RNF141: variants seen among roughly 807,000 people sequenced by gnomAD.
RNF141 encodes the protein ring finger protein 141.
A neutral mutation model predicts 27.4 loss-of-function variants in RNF141; 18 were observed. The ratio of observed to expected loss-of-function variants is 0.66; its 90% confidence interval spans 0.45 to 0.97. The LOEUF (loss-of-function observed/expected upper bound fraction) is 0.97. Among genes scored for constraint, RNF141 ranks in the 50% least tolerant of loss-of-function variants. The pLI is 0.00. For missense variants in RNF141, 230 were observed against 279.4 expected, an observed-to-expected ratio of 0.82 and a Z score of 1.26; for synonymous variants, 97 against 96.6, an observed-to-expected ratio of 1.00 and a Z score of -0.02.
At chr11:10,517,039 A>G (rs963033687) in intron 5 of RNF141, 2 of 152,244 alleles carry the variant, frequency 1.3e-5, no homozygotes, top group Non-Finnish European at 2.9e-5. Flanking sequence ...TATAATCTAT[A>G]ATAAAGAGAA....
chr11:10,533,504 G>C (rs930473570), intron 2 of RNF141, among the ~76,000 whole-genome samples: 2 of 151,562 alleles, frequency 1.3e-5, no homozygotes, highest in Non-Finnish European at 2.9e-5. Context: ...TACTACATAT[G>C]TATTCCTCTA....
At chr11:10,539,573 C>CTT (rs35522358) in intron 1 of RNF141, among the ~76,000 whole-genome samples, 1 of 143,896 alleles carries the variant, frequency 6.9e-6, no homozygotes. Context: ...CAGATATCAA[C>CTT]TTTTTTTTTT....
chr11:10,529,837 C>T (rs752213427), intron 3 of RNF141, among the ~76,000 whole-genome samples: 4 of 152,084 alleles, frequency 2.6e-5, no homozygotes, highest in Non-Finnish European at 5.9e-5. Flanking sequence ...TCTGAATAAA[C>T]TGGAAGCAAA....
At chr11:10,530,390 G>GATT (rs1849974769) in intron 3 of RNF141, among the ~76,000 whole-genome samples, 1 of 152,074 alleles carries the variant, frequency 6.6e-6, no homozygotes, top group African/African-American at 2.4e-5. Flanking sequence ...AGAGATAGAA[G>GATT]ATTAGTATGA....
chr11:10,536,849 G>C (rs534875050), intron 1 of RNF141, among the ~76,000 whole-genome samples: 2 of 152,170 alleles, frequency 1.3e-5, no homozygotes, highest in African/African-American at 2.4e-5. Flanking sequence ...GCTAGAAGCA[G>C]GTATCTTGAG....
intron 1 of RNF141, among the ~76,000 whole-genome samples, chr11:10,540,141 T>C (rs1850082115): frequency 6.6e-6 from 1 of 152,100 alleles, no homozygotes. Context: ...TGGCAGCTCA[T>C]GCCCCCAGAC....
intron 4 of RNF141, among the ~76,000 whole-genome samples, chr11:10,521,832 T>C (rs1849890107): frequency 1.3e-5 from 2 of 152,258 alleles, no homozygotes; most frequent in South Asian, 4.1e-4. Flanking sequence ...TACTTGGGTA[T>C]GGAAAACTGA....
Position 10,518,931 on chromosome 11 carries a change from C to T in RNF141, c.542+103G>A, listed in dbSNP as rs996850204. On this transcript the variant is annotated intron_variant, in intron 5 of 5. Transcript: ENST00000265981. ...AATTCAAAGTACTAAAGAATAAAAT[C>T]TCTCTCATACTTAACTACAGTATTT... 10 of 730,998 alleles carry T rather than the reference C, an allele frequency of 1.4e-5. No homozygotes were observed. The Admixed American group carries it at 2.7e-4, about 20-fold the overall frequency. The allele number at this position is 730,998 out of a possible 1,614,324, so 45.3% of individuals were successfully genotyped here. A position where few individuals can be genotyped will look rare whatever the true frequency, so the allele number is the denominator to read the frequency against.
rs138840496 is a variant in RNF141 at position 10,519,509 on chromosome 11, C to T, written c.435-368G>A. On this transcript the variant is annotated intron_variant, in intron 4 of 5. Transcript: ENST00000265981. ...AGTTATTGCATTAAAGACAGAGATACGGTCTGAGAAACTCATTGTTAGGTG... is the reference window on the plus strand; with the variant it reads ...AGTTATTGCATTAAAGACAGAGATATGGTCTGAGAAACTCATTGTTAGGTG... Among the ~76,000 whole-genome samples, 16 of 152,236 alleles carry T rather than the reference C, an allele frequency of 1.1e-4. No individual in the cohort carries two copies. The East Asian group carries it at 1.7e-3, about 17-fold the overall frequency.
At chr11:10,521,458 A>T (rs1350534671) in intron 4 of RNF141, among the ~76,000 whole-genome samples, 3 of 152,216 alleles carry the variant, frequency 2.0e-5, no homozygotes, top group African/African-American at 7.2e-5. Flanking sequence ...TTACTTTTGT[A>T]ATAATATAAA....
rs1849821334 is a variant in RNF141 at position 10,513,738 on chromosome 11, G to C, written c.*1178C>G. 6.6e-6 allele frequency: 1 copy of C among 151,966 alleles called. No homozygotes were observed. The highest frequency in any genetic ancestry group is 2.4e-5 in the African/African-American group (1 of 41,326). The allele number at this position is 151,966 out of a possible 1,614,324, so 9.4% of individuals were successfully genotyped here. A position where few individuals can be genotyped will look rare whatever the true frequency, so the allele number is the denominator to read the frequency against. ...TCTGTCTCCCAGGCTGGAGTGCAGT[G>C]GTGTGATCTCGGCTCACTGCAACCT... On this transcript the variant is annotated 3_prime_UTR_variant, in exon 6 of 6. Coordinates refer to ENST00000265981, the MANE Select transcript of RNF141 (RefSeq NM_016422.4).
intron 4 of RNF141, among the ~76,000 whole-genome samples, chr11:10,521,044 T>TA (rs1849883895): frequency 6.6e-6 from 1 of 152,198 alleles, no homozygotes; most frequent in African/African-American, 2.4e-5. Flanking sequence ...ACAAAGGGAA[T>TA]AAAAAGCAGT....
intron 2 of RNF141, chr11:10,531,930 C>T (rs1591500370): frequency 4.7e-6 from 2 of 423,472 alleles, no homozygotes; most frequent in East Asian, 1.6e-4. Flanking sequence ...TTCTACAGTT[C>T]TCGGAGATCA....
intron 1 of RNF141, among the ~76,000 whole-genome samples, chr11:10,537,417 A>G (rs897747472): frequency 3.9e-5 from 6 of 152,230 alleles, no homozygotes; most frequent in African/African-American, 1.2e-4. Context: ...ACTTTGAATA[A>G]TATCTACATT....
At chr11:10,530,519 C>A in intron 3 of RNF141, 124 bp downstream of exon 3, 1 of 483,432 alleles carries the variant, frequency 2.1e-6, no homozygotes. Flanking sequence ...AGTAACAAAA[C>A]TATGTTTTAC....
rs768784099 is a variant in RNF141 at position 10,519,091 on chromosome 11, C to T, written c.485G>A (p.Arg162Gln). Residue 162 changes from arginine (R) to glutamine (Q), a missense_variant, in exon 5 of 6, where the codon CGG becomes CAG. Physicochemically the swap from Arg to Gln is conservative, Grantham distance 43. Coordinates refer to ENST00000265981, the MANE Select transcript of RNF141 (RefSeq NM_016422.4). Reference sequence around the variant, plus strand: ...AGCACAAGGCAGGATGAGGTCAGCCCGCCCATCCATACAGATACAACACTC... The same window carrying T: ...AGCACAAGGCAGGATGAGGTCAGCCTGCCCATCCATACAGATACAACACTC... ...EEECCICMDGRADLILPCAHS... is the reference protein window; with the variant it reads ...EEECCICMDGQADLILPCAHS... The T allele has an allele frequency of 2.2e-5, 35 of 1,613,872 alleles. No homozygotes were observed. The highest frequency in any genetic ancestry group is 1.0e-4 in the Admixed American group (6 of 59,996).
chr11:10,518,120 A>G (rs2133965551), intron 5 of RNF141, among the ~76,000 whole-genome samples: 1 of 152,306 alleles, frequency 6.6e-6, no homozygotes, highest in South Asian at 2.1e-4. Context: ...TATTTATTCA[A>G]TGCAATCTCA....
In RNF141 at chr11:10,512,344, G is replaced by C. The variant is rs1378738888; in HGVS notation, c.*2572C>G. On this transcript the variant is annotated 3_prime_UTR_variant, in exon 6 of 6. Transcript: ENST00000265981. ...CACCCAGTTCAATAGAGCGAACAAAGAGCTGTGCTCATTTATTTATTTGAT... is the reference window on the plus strand; with the variant it reads ...CACCCAGTTCAATAGAGCGAACAAACAGCTGTGCTCATTTATTTATTTGAT... 1 of 152,592 alleles carries C rather than the reference G, an allele frequency of 6.6e-6. No homozygotes were observed. The highest frequency in any genetic ancestry group is 2.4e-5 in the African/African-American group (1 of 41,424). 9.5% of individuals were successfully genotyped at this position (152,592 alleles called of 1,614,324 possible).
chr11:10,512,035 A>G lies in RNF141; in HGVS notation c.*2881T>C, dbSNP rs1849804634. ...CTAAATTCAGTACATAGTAAAATTC[A>G]TTTTCTCAAACTAAGGTTCTATACA... On this transcript the variant is annotated 3_prime_UTR_variant, in exon 6 of 6. Coordinates refer to ENST00000265981, the MANE Select transcript of RNF141 (RefSeq NM_016422.4). The G allele has an allele frequency of 1.3e-5, 2 of 152,658 alleles. No homozygotes were observed. Among genetic ancestry groups the G allele is most frequent in the Non-Finnish European group, 2.9e-5 (2 of 68,036 alleles). 9.5% of individuals were successfully genotyped at this position (152,658 alleles called of 1,614,324 possible). A position where few individuals can be genotyped will look rare whatever the true frequency, so the allele number is the denominator to read the frequency against.
Sources: allele counts gnomAD v4.1 joint callset (sites outside exome capture counted in the v4.1 genomes callset), GRCh38; gene constraint gnomAD v4.1.1; transcripts MANE v1.5; gene names NCBI Gene and HGNC (gene_info 2026-07-23, HGNC 2026-07-21).